The following AGAP1 variants were observed in gnomAD, a reference collection of about 807,000 sequenced individuals.
AGAP1 encodes the protein ArfGAP with GTPase domain, ankyrin repeat and PH domain 1, also known as arf-GAP with GTPase, ANK repeat and PH domain-containing protein 1.
A neutral mutation model predicts 105.3 loss-of-function variants in AGAP1; 29 were observed. The observed-to-expected ratio is 0.28, with a 90% CI of 0.21 to 0.38. AGAP1 has a LOEUF of 0.38. Ranked by LOEUF, AGAP1 falls within the 10% of genes least tolerant of loss-of-function variation. The pLI, the probability that AGAP1 is intolerant of heterozygous loss-of-function variation, is 1.00. For missense variants in AGAP1, 998 were observed against 1,165.1 expected (o/e 0.86, Z 2.09); for synonymous variants, 509 against 485.9 (o/e 1.05, Z -0.63).
In AGAP1 at chr2:235,712,188, A is replaced by T. The variant is rs1950891361; in HGVS notation, c.222+2951A>T. On this transcript the variant is annotated intron_variant, in intron 2 of 17. Transcript: ENST00000304032. This position sits in a 1 kb window ranked among gnomAD's most constrained non-coding sequence, Gnocchi z 6.0. ...CAGGCACCCACCACCACATCTGGCT[A>T]ATTTTTTATTTTTAGTAGACAAGAT... Among the ~76,000 whole-genome samples the T allele has an allele frequency of 6.6e-6, 1 of 151,990 alleles. No homozygotes were observed. Among genetic ancestry groups the T allele is most frequent in the Non-Finnish European group, 1.5e-5 (1 of 67,986 alleles).
Position 235,639,781 on chromosome 2 carries a change from C to T in AGAP1, c.164-69398C>T, listed in dbSNP as rs569129393. ...TTCTAGACCATCCAGTTTTGCTTCT[C>T]AGGCTCTGAAAAACACTTTTAAGAG... On this transcript the variant is annotated intron_variant, in intron 1 of 17. Coordinates refer to ENST00000304032, the MANE Select transcript of AGAP1 (RefSeq NM_001037131.3). The surrounding 1 kb of genome is among the most constrained non-coding windows in gnomAD (Gnocchi z 5.3). 1.1e-4 allele frequency among the ~76,000 whole-genome samples: 16 copies of T among 152,290 alleles called. No individual in the cohort carries two copies. The highest frequency in any genetic ancestry group is 1.0e-3 in the Admixed American group (16 of 15,296).
chr2:235,764,002 C>T (rs1391903424), intron 6 of AGAP1, among the ~76,000 whole-genome samples: 1 of 151,972 alleles, frequency 6.6e-6, no homozygotes, highest in African/African-American at 2.4e-5. Flanking sequence ...GGCTGTGATC[C>T]GTGCGTGGCT....
At chr2:235,520,803 T>G (rs1942584598) in intron 1 of AGAP1, among the ~76,000 whole-genome samples, 1 of 152,208 alleles carries the variant, frequency 6.6e-6, no homozygotes, top group Admixed American at 6.5e-5. Flanking sequence ...CGTTTAAAAT[T>G]GACTAATTAG....
intron 1 of AGAP1, among the ~76,000 whole-genome samples, chr2:235,648,508 G>A (rs1481610205): frequency 1.3e-5 from 2 of 152,080 alleles, no homozygotes; most frequent in Admixed American, 6.5e-5. Context: ...TGTTCTTCCC[G>A]TGGAAAGAGG....
Position 236,058,032 on chromosome 2 carries a change from A to G in AGAP1, c.2114+8751A>G, listed in dbSNP as rs944618440. Among the ~76,000 whole-genome samples, 1 of 152,120 alleles carries G rather than the reference A, an allele frequency of 6.6e-6. No individual in the cohort carries two copies. The highest frequency in any genetic ancestry group is 1.5e-5 in the Non-Finnish European group (1 of 68,032). On this transcript the variant is annotated intron_variant, in intron 16 of 17. Transcript: ENST00000304032. The surrounding 1 kb of genome is among the most constrained non-coding windows in gnomAD (Gnocchi z 4.6). The stretch of plus-strand genomic sequence containing the variant: ...TTGTATGTATATAATGGTTTATTGC[A>G]GCATCAGTATCACATGGAAAGGTAT...
rs1475281379 is a variant in AGAP1, at chr2:235,865,583, T to A, written c.1051-17762T>A. Among the ~76,000 whole-genome samples, 3 of 152,030 alleles carry A rather than the reference T, an allele frequency of 2.0e-5. No homozygotes were observed. The highest frequency in any genetic ancestry group is 2.9e-5 in the Non-Finnish European group (2 of 67,998). On this transcript the variant is annotated intron_variant, in intron 9 of 17. Transcript: ENST00000304032. This position sits in a 1 kb window ranked among gnomAD's most constrained non-coding sequence, Gnocchi z 6.2. ...AGATCCAGAATCGGCCCCTCGCCCCTTTGCCCCTCCCCCAACTCCCTCCAC... is the reference window on the plus strand; with the variant it reads ...AGATCCAGAATCGGCCCCTCGCCCCATTGCCCCTCCCCCAACTCCCTCCAC...
At position 235,900,044 on chromosome 2, in the gene AGAP1, C is replaced by G. The variant is rs2050993290; in HGVS notation, c.1156-8694C>G. On this transcript the variant is annotated intron_variant, in intron 10 of 17. Coordinates refer to ENST00000304032, the MANE Select transcript of AGAP1 (RefSeq NM_001037131.3). This position sits in a 1 kb window ranked among gnomAD's most constrained non-coding sequence, Gnocchi z 5.5. Reference sequence around the variant, plus strand: ...TGAGCCCACGCATGTTGGACACTGGCCTCCGCAGCACATGAAGCAGAGAAG... The same window carrying G: ...TGAGCCCACGCATGTTGGACACTGGGCTCCGCAGCACATGAAGCAGAGAAG... 6.6e-6 allele frequency among the ~76,000 whole-genome samples: 1 copy of G among 152,204 alleles called. No homozygotes were observed. Among genetic ancestry groups the G allele is most frequent in the Non-Finnish European group, 1.5e-5 (1 of 68,048 alleles).
At chr2:235,501,142 T>C (rs926205046) in intron 1 of AGAP1, among the ~76,000 whole-genome samples, 31 of 152,250 alleles carry the variant, frequency 2.0e-4, no homozygotes, top group Middle Eastern at 3.4e-3. Flanking sequence ...GCACCTGCCA[T>C]GTGGGGCCAT....
At chr2:236,016,987 A>G (rs754359016) in intron 13 of AGAP1, among the ~76,000 whole-genome samples, 8 of 152,216 alleles carry the variant, frequency 5.3e-5, no homozygotes, top group African/African-American at 9.6e-5. Flanking sequence ...ACGGTTTTTA[A>G]TAATGTATTA....
At chr2:235,707,212 C>T (rs1252730767) in intron 1 of AGAP1, among the ~76,000 whole-genome samples, 2 of 152,242 alleles carry the variant, frequency 1.3e-5, no homozygotes, top group Non-Finnish European at 2.9e-5. Context: ...TCTTCTTCCT[C>T]AGGGCTCTTG....
In AGAP1 at chr2:235,936,348, G is replaced by A. The variant is rs1197978818; in HGVS notation, c.1483+5425G>A. ...CTGGTCCCTGTTTCCTTCTGGCCAC[G>A]TAATCATTATATCTTTCCAGTAGAC... On this transcript the variant is annotated intron_variant, in intron 12 of 17. Transcript: ENST00000304032. This position sits in a 1 kb window ranked among gnomAD's most constrained non-coding sequence, Gnocchi z 4.7. Among the ~76,000 whole-genome samples the A allele has an allele frequency of 2.0e-5, 3 of 152,136 alleles. No homozygotes were observed. The highest frequency in any genetic ancestry group is 7.2e-5 in the African/African-American group (3 of 41,408).
rs1057085615 is a variant in AGAP1 at position 235,887,080 on chromosome 2, A to G, written c.1155+3631A>G. ...TCAGGTCCCAAAATTTTACACCGTG[A>G]GAGTGACCCAGTTATCTCAGTCTGG... On this transcript the variant is annotated intron_variant, in intron 10 of 17. Transcript: ENST00000304032. The surrounding 1 kb of genome is among the most constrained non-coding windows in gnomAD (Gnocchi z 4.1). Among the ~76,000 whole-genome samples, 1 of 152,206 alleles carries G rather than the reference A, an allele frequency of 6.6e-6. No individual in the cohort carries two copies. Among genetic ancestry groups the G allele is most frequent in the South Asian group, 2.1e-4 (1 of 4,828 alleles).
intron 6 of AGAP1, among the ~76,000 whole-genome samples, chr2:235,770,710 A>AG (rs138677018): frequency 0.25 from 38,595 of 151,800 alleles, 5,286 homozygotes; most frequent in Admixed American, 0.4. Context: ...GTGGATTTTG[A>AG]GAAAAAAATT....
chr2:235,916,257 G>A (rs1269115036), intron 11 of AGAP1, among the ~76,000 whole-genome samples: 1 of 152,172 alleles, frequency 6.6e-6, no homozygotes, highest in East Asian at 1.9e-4. Flanking sequence ...GATGTGCATG[G>A]CCATTATCCA....
At chr2:235,922,028 ATG>A (rs1458778459) in intron 11 of AGAP1, among the ~76,000 whole-genome samples, 1 of 152,226 alleles carries the variant, frequency 6.6e-6, no homozygotes, top group Non-Finnish European at 1.5e-5. Flanking sequence ...GTTTGAAGTG[ATG>A]TGACTGTTAA....
chr2:235,619,641 G>C (rs986392760), intron 1 of AGAP1, among the ~76,000 whole-genome samples: 2 of 152,200 alleles, frequency 1.3e-5, no homozygotes, highest in Non-Finnish European at 2.9e-5. Flanking sequence ...TGCAGATGCA[G>C]CTCTTTTCCC....
chr2:236,004,712 A>G (rs1206121831), intron 13 of AGAP1, among the ~76,000 whole-genome samples: 1 of 152,262 alleles, frequency 6.6e-6, no homozygotes. Context: ...TACTTCTTTC[A>G]GTCACAACTG....
intron 4 of AGAP1, among the ~76,000 whole-genome samples, chr2:235,742,054 A>G (rs557412739): frequency 2.6e-5 from 4 of 152,282 alleles, no homozygotes; most frequent in Admixed American, 2.0e-4. Flanking sequence ...CGCCCGACCC[A>G]TTTAAACACT....
intron 9 of AGAP1, among the ~76,000 whole-genome samples, chr2:235,851,555 C>T (rs534864894): frequency 3.9e-5 from 6 of 152,242 alleles, no homozygotes; most frequent in South Asian, 2.1e-4. Context: ...TACCAATGTC[C>T]CTTGGGTATC....
Sources: allele counts gnomAD v4.1 joint callset (sites outside exome capture counted in the v4.1 genomes callset), GRCh38; gene constraint gnomAD v4.1.1; non-coding constraint Gnocchi (gnomAD v3.1); transcripts MANE v1.5; gene names NCBI Gene and HGNC (gene_info 2026-07-23, HGNC 2026-07-21).